The following LRCH1 variants were observed in gnomAD, a reference collection of about 807,000 sequenced individuals.
LRCH1 encodes leucine-rich repeat and calponin homology domain-containing protein 1.
A neutral mutation model predicts 94.9 loss-of-function variants in LRCH1; 23 were observed. The ratio of observed to expected loss-of-function variants is 0.24; its 90% CI spans 0.17 to 0.34. The LOEUF (loss-of-function observed/expected upper bound fraction) is 0.34, where lower values mean the gene tolerates loss of function less well. Among genes scored for constraint, LRCH1 ranks in the 10% least tolerant of loss-of-function variants. The probability of loss-of-function intolerance (pLI) is 1.00; values close to 1 mark genes in which losing one functional copy is unlikely to be tolerated. For missense variants in LRCH1, 790 were observed against 945.9 expected, an observed-to-expected ratio of 0.84 and a Z score of 2.16; for synonymous variants, 364 against 354.9, an observed-to-expected ratio of 1.03 and a Z score of -0.29.
chr13:46,642,328 T>C (rs2051168458), intron 1 of LRCH1, among the ~76,000 whole-genome samples: 1 of 152,188 alleles, frequency 6.6e-6, no homozygotes, highest in Non-Finnish European at 1.5e-5. Context: ...AATCAGTAGA[T>C]TCAAGACAGG....
chr13:46,720,359 C>G (rs1056363193), intron 16 of LRCH1, among the ~76,000 whole-genome samples: 3 of 152,220 alleles, frequency 2.0e-5, no homozygotes, highest in African/African-American at 7.2e-5. Flanking sequence ...TGCACTCCAG[C>G]CTGGGCAACA....
intron 1 of LRCH1, among the ~76,000 whole-genome samples, chr13:46,626,908 T>G (rs2050957364): frequency 6.6e-6 from 1 of 152,238 alleles, no homozygotes; most frequent in African/African-American, 2.4e-5. Context: ...GACTTCCTGT[T>G]TTATTATAAA....
intron 1 of LRCH1, among the ~76,000 whole-genome samples, chr13:46,624,648 G>C (rs760679263): frequency 3.9e-5 from 6 of 152,162 alleles, no homozygotes; most frequent in Admixed American, 1.3e-4. Flanking sequence ...GTCCTGAGAT[G>C]GGGGGAAGAC....
chr13:46,576,228 C>T (rs1174407928), intron 1 of LRCH1, among the ~76,000 whole-genome samples: 1 of 152,170 alleles, frequency 6.6e-6, no homozygotes, highest in African/African-American at 2.4e-5. Context: ...AACTCAAAGG[C>T]AGTTTTAGCA....
chr13:46,627,661 G>A (rs2050966863), intron 1 of LRCH1, among the ~76,000 whole-genome samples: 1 of 152,120 alleles, frequency 6.6e-6, no homozygotes, highest in Non-Finnish European at 1.5e-5. Context: ...AGATCAACAA[G>A]GATGCTGGGT....
At chr13:46,641,308 C>G (rs2051155592) in intron 1 of LRCH1, among the ~76,000 whole-genome samples, 1 of 152,202 alleles carries the variant, frequency 6.6e-6, no homozygotes, top group African/African-American at 2.4e-5. Flanking sequence ...TAGATCCTAC[C>G]TCTACCCAAG....
intron 3 of LRCH1, among the ~76,000 whole-genome samples, chr13:46,677,213 C>G (rs2051686505): frequency 6.8e-6 from 1 of 146,212 alleles, no homozygotes; most frequent in Non-Finnish European, 1.5e-5. Flanking sequence ...AGTTCGAGAC[C>G]AGCCTGGCCA....
chr13:46,711,367 T>G (rs1013162281), intron 13 of LRCH1, among the ~76,000 whole-genome samples: 1 of 152,170 alleles, frequency 6.6e-6, no homozygotes, highest in African/African-American at 2.4e-5. Flanking sequence ...CCCAGTTAAT[T>G]TGGGGTCCAG....
At chr13:46,649,812 A>G (rs2051268939) in intron 1 of LRCH1, among the ~76,000 whole-genome samples, 1 of 151,622 alleles carries the variant, frequency 6.6e-6, no homozygotes, top group Non-Finnish European at 1.5e-5. Context: ...ATAGGCAACC[A>G]AGTGAGATCC....
chr13:46,602,978 G>GCATGCATGCATACATACATA lies in LRCH1; in HGVS notation c.308-47220_308-47219insGCATGCATACATACATACAT, dbSNP rs142972823. On this transcript the variant is annotated intron_variant, in intron 1 of 19. Transcript: ENST00000389797. The stretch of plus-strand genomic sequence containing the variant: ...TACATACATGCATACATACATGCAT[G>GCATGCATGCATACATACATA]CATACATACATACATACATACATAC... Among the ~76,000 whole-genome samples, 369 of 149,930 alleles carry GCATGCATGCATACATACATA rather than the reference G, an allele frequency of 2.5e-3. 8 individuals carry two copies. In the East Asian group the frequency reaches 0.063, roughly 26 times the overall value.
chr13:46,677,512 C>T (rs546305113), intron 3 of LRCH1, among the ~76,000 whole-genome samples: 139 of 152,174 alleles, frequency 9.1e-4, no homozygotes, highest in African/African-American at 3.2e-3. Context: ...TTTAATAATC[C>T]CTGAATTTAT....
chr13:46,619,695 G>C (rs1051579251), intron 1 of LRCH1, among the ~76,000 whole-genome samples: 3 of 150,722 alleles, frequency 2.0e-5, no homozygotes, highest in Non-Finnish European at 4.4e-5. Flanking sequence ...GCATTCGGAT[G>C]AAGAGGCTGT....
At chr13:46,750,687 C>G (rs924218284) in exon 19 of LRCH1, 12 of 1,419,526 alleles carry the variant, frequency 8.5e-6, no homozygotes, top group African/African-American at 1.4e-5. Flanking sequence ...AGACTCTGCT[C>G]TCATCCAGGA....
At chr13:46,631,883 C>A (rs778697407) in intron 1 of LRCH1, among the ~76,000 whole-genome samples, 3 of 152,102 alleles carry the variant, frequency 2.0e-5, no homozygotes, top group Admixed American at 6.5e-5. Context: ...GGGAATAATA[C>A]TCCCATTAAG....
At chr13:46,638,482 C>T (rs2051119537) in intron 1 of LRCH1, among the ~76,000 whole-genome samples, 1 of 152,124 alleles carries the variant, frequency 6.6e-6, no homozygotes, top group South Asian at 2.1e-4. Flanking sequence ...TGCATGATTT[C>T]TACTTCAAAA....
chr13:46,704,410 C>T (rs900602782), intron 11 of LRCH1, among the ~76,000 whole-genome samples: 6 of 151,906 alleles, frequency 3.9e-5, no homozygotes, highest in Admixed American at 6.6e-5. Context: ...GCTGTTCTGT[C>T]TTTATCTTGA....
Position 46,553,436 on chromosome 13 carries a change from G to A in LRCH1, c.40G>A (p.Ala14Thr). The A allele has an allele frequency of 1.3e-6, 2 of 1,548,476 alleles. No homozygotes were observed. The highest frequency in any genetic ancestry group is 8.7e-7 in the Non-Finnish European group (1 of 1,146,264). ...PGSEPQPFVPALSVATLHPLH... is the reference protein window; with the variant it reads ...PGSEPQPFVPTLSVATLHPLH... ...AAGCGAACCCCAACCTTTCGTCCCG[G>A]CCCTTTCGGTAGCTACTCTGCACCC... Residue 14 changes from alanine (A) to threonine (T), a missense_variant, in exon 1 of 20, where the codon GCC (alanine) becomes ACC (threonine). Physicochemically the swap from Ala to Thr is moderately conservative, Grantham distance 58. Coordinates refer to ENST00000389797, the MANE Select transcript of LRCH1 (RefSeq NM_001164211.2).
chr13:46,622,327 ACAAT>A (rs1431814074), intron 1 of LRCH1, among the ~76,000 whole-genome samples: 2 of 152,128 alleles, frequency 1.3e-5, no homozygotes, highest in African/African-American at 4.8e-5. Context: ...GAAATAAGAC[ACAAT>A]CTATCGTTGT....
In LRCH1 at chr13:46,657,500, C is replaced by CTTTTTTTTTTTTTTTTTTTTTTTTTTTT. The variant is rs67588975; in HGVS notation, c.452+7170_452+7197dup. The stretch of plus-strand genomic sequence containing the variant: ...TCATTTTTACTTTTTCTTTTCTTTT[C>CTTTTTTTTTTTTTTTTTTTTTTTTTTTT]TTTTTTTTTTTTTTTTTTTTTTTTT... On this transcript the variant is annotated intron_variant, in intron 2 of 19. Coordinates refer to ENST00000389797, the MANE Select transcript of LRCH1 (RefSeq NM_001164211.2). Among the ~76,000 whole-genome samples, 13 of 11,392 alleles carry CTTTTTTTTTTTTTTTTTTTTTTTTTTTT rather than the reference C, an allele frequency of 1.1e-3. 1 individual carries two copies. The highest frequency in any genetic ancestry group is 6.8e-3 in the East Asian group (2 of 296). 7.5% of individuals were successfully genotyped at this position (11,392 alleles called of 152,430 possible).
Sources: gnomAD v4.1 joint callset for allele counts (sites outside exome capture counted in the v4.1 genomes callset) on GRCh38, gnomAD v4.1.1 for gene constraint, MANE v1.5 for transcripts, NCBI Gene and HGNC (gene_info 2026-07-23, HGNC 2026-07-21) for gene names.